Variants in CSMD1 observed in about 807,000 individuals in gnomAD.
CSMD1 encodes the protein CUB and Sushi multiple domains 1.
In CSMD1, 213 loss-of-function variants were observed where a neutral mutation model predicts 417.5. That is an observed-to-expected ratio of 0.51 (90% confidence interval 0.46 to 0.57). The LOEUF (loss-of-function observed/expected upper bound fraction) is 0.57. Ranked by LOEUF, CSMD1 falls within the 20% of genes least tolerant of loss-of-function variation. CSMD1 has a pLI of 0.00. For synonymous variants in CSMD1, 2,862 were observed against 1,736.8 expected, an observed-to-expected ratio of 1.65 and a Z score of -16.11; for missense variants, 6,923 against 4,529.7, an observed-to-expected ratio of 1.53 and a Z score of -15.17.
intron 10 of CSMD1, among the ~76,000 whole-genome samples, chr8:3,542,450 C>A (rs1798480688): frequency 6.6e-6 from 1 of 152,202 alleles, no homozygotes; most frequent in Admixed American, 6.5e-5. Flanking sequence ...GGGAATGAAA[C>A]TGACAGTCTC....
chr8:4,512,228 C>G (rs557961112), intron 2 of CSMD1, among the ~76,000 whole-genome samples: 1 of 152,096 alleles, frequency 6.6e-6, no homozygotes, highest in South Asian at 2.1e-4. Flanking sequence ...TTAACAAAAT[C>G]CAATACATAT....
intron 1 of CSMD1, among the ~76,000 whole-genome samples, chr8:4,766,070 G>C (rs982739586): frequency 1.3e-5 from 2 of 152,136 alleles, no homozygotes; most frequent in Non-Finnish European, 2.9e-5. Context: ...CTAGCTAGAA[G>C]AAAGACATTT....
intron 2 of CSMD1, among the ~76,000 whole-genome samples, chr8:4,484,270 C>A (rs1725112): frequency 0.8 from 121,180 of 151,702 alleles, 48,413 homozygotes; most frequent in Middle Eastern, 0.87. Context: ...CTTCTAGGAA[C>A]AAGGTTTCAT....
intron 12 of CSMD1, among the ~76,000 whole-genome samples, chr8:3,437,528 C>A (rs1035454911): frequency 1.4e-4 from 22 of 152,178 alleles, no homozygotes; most frequent in African/African-American, 5.1e-4. Context: ...CTCAAAGAAA[C>A]TTCAACAGAG....
At chr8:4,407,193 T>C (rs558574003) in intron 3 of CSMD1, among the ~76,000 whole-genome samples, 3 of 152,340 alleles carry the variant, frequency 2.0e-5, no homozygotes, top group South Asian at 2.1e-4. Context: ...GCCAGTCCTC[T>C]TTAGAGTGAT....
intron 21 of CSMD1, among the ~76,000 whole-genome samples, chr8:3,355,662 C>G (rs77151558): frequency 0.012 from 1,789 of 152,244 alleles, 33 homozygotes; most frequent in African/African-American, 0.041. Flanking sequence ...CAGTGCTTTA[C>G]CCAGACTGGC....
At chr8:3,709,680 G>GGCTTTTTTTTTTTTTTTTTT (rs1554518393) in intron 6 of CSMD1, among the ~76,000 whole-genome samples, 16 of 33,700 alleles carry the variant, frequency 4.7e-4, no homozygotes, top group African/African-American at 6.3e-4. Context: ...GCAGCAGCAT[G>GGCTTTTTTTTTTTTTTTTTT]TTTTTTTTTT....
At chr8:3,950,102 GATA>G (rs1201260995) in intron 5 of CSMD1, 1 of 429,192 alleles carries the variant, frequency 2.3e-6, no homozygotes, top group South Asian at 1.7e-5. Context: ...TAAAGGCAAT[GATA>G]ATAATAATTA....
At chr8:3,968,722 T>C (rs921703624) in intron 5 of CSMD1, among the ~76,000 whole-genome samples, 1 of 152,168 alleles carries the variant, frequency 6.6e-6, no homozygotes, top group South Asian at 2.1e-4. Flanking sequence ...TATTATCTAA[T>C]GTGTAAATAG....
rs556867664 is a variant in CSMD1 at position 4,037,438 on chromosome 8, C to A, written c.416-5339G>T. On this transcript the variant is annotated intron_variant, in intron 3 of 69. Coordinates refer to ENST00000635120, the MANE Select transcript of CSMD1 (RefSeq NM_033225.6). ...ATAAAGAGGATGTCTATTTCTGGGGCATCTTAGACCATTTCAATGGTTTGC... is the reference window on the plus strand; with the variant it reads ...ATAAAGAGGATGTCTATTTCTGGGGAATCTTAGACCATTTCAATGGTTTGC... 2.6e-4 allele frequency among the ~76,000 whole-genome samples: 40 copies of A among 152,278 alleles called. 1 individual carries two copies. In the Middle Eastern group the frequency reaches 0.01, roughly 39 times the overall value.
intron 3 of CSMD1, among the ~76,000 whole-genome samples, chr8:4,105,647 G>C (rs1801530580): frequency 6.6e-6 from 1 of 152,184 alleles, no homozygotes; most frequent in South Asian, 2.1e-4. Context: ...GTAGCAGGTG[G>C]AACGTGGTTT....
At chr8:3,804,801 T>C (rs1258076447) in intron 5 of CSMD1, among the ~76,000 whole-genome samples, 2 of 152,222 alleles carry the variant, frequency 1.3e-5, no homozygotes, top group African/African-American at 4.8e-5. Context: ...GTAATCTAAT[T>C]ATTCATATCT....
intron 23 of CSMD1, among the ~76,000 whole-genome samples, chr8:3,325,361 G>C (rs1169548124): frequency 6.6e-6 from 1 of 152,194 alleles, no homozygotes; most frequent in Non-Finnish European, 1.5e-5. Flanking sequence ...TATAGCATTT[G>C]ATGATACCAT....
At chr8:3,163,731 G>C (rs78815325) in intron 37 of CSMD1, among the ~76,000 whole-genome samples, 2,258 of 152,284 alleles carry the variant, frequency 0.015, 70 homozygotes, top group African/African-American at 0.052. Context: ...GGAAGCAGCT[G>C]TGGGTCGAAG....
intron 5 of CSMD1, among the ~76,000 whole-genome samples, chr8:3,797,769 T>C (rs552253606): frequency 6.6e-6 from 1 of 152,070 alleles, no homozygotes; most frequent in Non-Finnish European, 1.5e-5. Flanking sequence ...TCATTAAACG[T>C]GATAAAACAG....
chr8:3,780,830 A>G (rs1799137642), intron 5 of CSMD1, among the ~76,000 whole-genome samples: 1 of 152,156 alleles, frequency 6.6e-6, no homozygotes, highest in African/African-American at 2.4e-5. Context: ...CCATAGAACA[A>G]TTTCCTCAAT....
At chr8:3,810,894 G>A (rs931888994) in intron 5 of CSMD1, among the ~76,000 whole-genome samples, 1 of 152,274 alleles carries the variant, frequency 6.6e-6, no homozygotes, top group South Asian at 2.1e-4. Flanking sequence ...TTCACCCTGA[G>A]ATGTTGAGAA....
intron 5 of CSMD1, among the ~76,000 whole-genome samples, chr8:3,810,435 C>A (rs184603110): frequency 1.3e-4 from 20 of 152,172 alleles, no homozygotes; most frequent in African/African-American, 4.6e-4. Flanking sequence ...AAGAAGGGAT[C>A]GAAGGGAGCA....
At chr8:4,243,649 A>G (rs1802533046) in intron 3 of CSMD1, among the ~76,000 whole-genome samples, 1 of 152,182 alleles carries the variant, frequency 6.6e-6, no homozygotes, top group Admixed American at 6.5e-5. Context: ...CAGTTTCTTA[A>G]AACACATGTG....
Sources: gnomAD v4.1 joint callset for allele counts (sites outside exome capture counted in the v4.1 genomes callset) on GRCh38, gnomAD v4.1.1 for gene constraint, MANE v1.5 for transcripts, NCBI Gene and HGNC (gene_info 2026-07-23, HGNC 2026-07-21) for gene names.